The following SLC8A1 variants were observed in gnomAD, a reference collection of about 807,000 sequenced individuals.
SLC8A1 encodes the protein solute carrier family 8 member A1, also known as sodium/calcium exchanger 1.
In SLC8A1, 18 loss-of-function variants were observed where a neutral mutation model predicts 68.3. The ratio of observed to expected loss-of-function variants is 0.26; its 90% CI spans 0.18 to 0.39. The LOEUF is 0.39. SLC8A1 is among the 10% of genes least tolerant of loss of function. The pLI, the probability that SLC8A1 is intolerant of heterozygous loss-of-function variation, is 1.00. For synonymous variants in SLC8A1, 475 were observed against 415.5 expected, an observed-to-expected ratio of 1.14 and a Z score of -1.74; for missense variants, 985 against 1,156.7, an observed-to-expected ratio of 0.85 and a Z score of 2.15.
intron 2 of SLC8A1, among the ~76,000 whole-genome samples, chr2:40,421,929 C>A (rs1695616442): frequency 6.6e-6 from 1 of 152,128 alleles, no homozygotes. Flanking sequence ...GAGGAGATTT[C>A]CTCTAATGCT....
upstream of SLC8A1, among the ~76,000 whole-genome samples, chr2:40,455,746 C>G (rs916088213): frequency 6.6e-6 from 1 of 152,168 alleles, no homozygotes; most frequent in Admixed American, 6.5e-5. Context: ...TGCTGTTGTT[C>G]CTCTTCCCTG....
At chr2:40,350,537 G>C (rs548995778) in intron 2 of SLC8A1, among the ~76,000 whole-genome samples, 1 of 115,978 alleles carries the variant, frequency 8.6e-6, no homozygotes, top group South Asian at 2.9e-4. Context: ...AATTTTTTGT[G>C]CATTTAAAAT....
chr2:40,238,460 G>A (rs1046486592), intron 2 of SLC8A1, among the ~76,000 whole-genome samples: 4 of 151,648 alleles, frequency 2.6e-5, no homozygotes, highest in Admixed American at 6.6e-5. Flanking sequence ...GCCCTGCTTC[G>A]GCTCGCACAC....
intron 2 of SLC8A1, among the ~76,000 whole-genome samples, chr2:40,402,092 G>A (rs1408896925): frequency 6.6e-6 from 1 of 152,158 alleles, no homozygotes; most frequent in Non-Finnish European, 1.5e-5. Context: ...ACGCGATACA[G>A]GTCAAAGGCC....
chr2:40,406,616 G>A (rs1322081336), intron 2 of SLC8A1, among the ~76,000 whole-genome samples: 6 of 152,102 alleles, frequency 3.9e-5, no homozygotes, highest in African/African-American at 1.4e-4. Flanking sequence ...ATCTTCCCAG[G>A]TGGACTGATA....
At chr2:40,113,517 A>AT (rs2034837354) in exon 8 of SLC8A1, 2 of 121,030 alleles carry the variant, frequency 1.7e-5, no homozygotes, top group African/African-American at 6.8e-5. Flanking sequence ...CTCTTTCAGC[A>AT]TAAGTAGAGG....
intron 7 of SLC8A1, among the ~76,000 whole-genome samples, chr2:40,131,849 T>C (rs986814919): frequency 5.8e-5 from 8 of 138,246 alleles, no homozygotes; most frequent in African/African-American, 2.1e-4. Flanking sequence ...AGGATTATCT[T>C]GGTATTCTAT....
chr2:40,327,782 C>A (rs190017097), intron 2 of SLC8A1, among the ~76,000 whole-genome samples: 34 of 152,150 alleles, frequency 2.2e-4, no homozygotes, highest in Non-Finnish European at 4.0e-4. Flanking sequence ...AAGGGCTGAA[C>A]AACTACCTAT....
chr2:40,243,727 G>C (rs529931528), intron 2 of SLC8A1, among the ~76,000 whole-genome samples: 73 of 152,138 alleles, frequency 4.8e-4, no homozygotes, highest in Non-Finnish European at 7.9e-4. Flanking sequence ...ATTGGTCCGT[G>C]CACTTGAAAA....
At chr2:40,435,743 C>CTTTAT in intron 1 of SLC8A1, among the ~76,000 whole-genome samples, 1 of 152,074 alleles carries the variant, frequency 6.6e-6, no homozygotes, top group South Asian at 2.1e-4. Context: ...GGCCCTTTCC[C>CTTTAT]CTACTTTATT....
intron 1 of SLC8A1, among the ~76,000 whole-genome samples, chr2:40,511,493 C>T (rs1706723021): frequency 6.6e-6 from 1 of 152,122 alleles, no homozygotes; most frequent in South Asian, 2.1e-4. Flanking sequence ...TATCTGTATT[C>T]TAGAAAATAC....
intron 1 of SLC8A1, among the ~76,000 whole-genome samples, chr2:40,467,728 A>G (rs1703775997): frequency 6.6e-6 from 1 of 152,148 alleles, no homozygotes; most frequent in Non-Finnish European, 1.5e-5. Context: ...CTCTTTTCCC[A>G]AAGAAAACAA....
chr2:40,282,726 G>T (rs1358938786), intron 2 of SLC8A1, among the ~76,000 whole-genome samples: 2 of 152,102 alleles, frequency 1.3e-5, no homozygotes, highest in African/African-American at 2.4e-5. Flanking sequence ...TTTAAAGAGT[G>T]TCATCATTTT....
At chr2:40,493,325 T>C (rs1338764054) in intron 1 of SLC8A1, among the ~76,000 whole-genome samples, 1 of 109,714 alleles carries the variant, frequency 9.1e-6, no homozygotes, top group East Asian at 3.4e-4. Flanking sequence ...AAGGGGAACA[T>C]CACTCTCTGG....
chr2:40,241,046 C>G (rs1329338362), intron 2 of SLC8A1, among the ~76,000 whole-genome samples: 1 of 152,170 alleles, frequency 6.6e-6, no homozygotes, highest in Non-Finnish European at 1.5e-5. Context: ...GGCACATGGA[C>G]TTGCACGTTC....
intron 2 of SLC8A1, among the ~76,000 whole-genome samples, chr2:40,382,327 G>C (rs528746279): frequency 7.9e-5 from 12 of 152,086 alleles, no homozygotes; most frequent in Admixed American, 7.9e-4. Context: ...AGCACAGTGA[G>C]TACATACACC....
intron 2 of SLC8A1, among the ~76,000 whole-genome samples, chr2:40,253,531 A>T (rs1426919172): frequency 6.6e-6 from 1 of 152,112 alleles, no homozygotes; most frequent in East Asian, 1.9e-4. Context: ...ATGGTACTTA[A>T]AAGAGGCTAA....
chr2:40,500,723 C>T (rs1265603929), intron 1 of SLC8A1, among the ~76,000 whole-genome samples: 1 of 144,748 alleles, frequency 6.9e-6, no homozygotes, highest in African/African-American at 2.6e-5. Flanking sequence ...CTCTTTCTCT[C>T]TGAAAAATAT....
In SLC8A1 at chr2:40,504,976, A is replaced by T. The variant is rs566110415; in HGVS notation, c.-25+7373T>A. ...CTGGTTATATACCCTGCAAAAAAGG[A>T]TATCAATATATGGAAGTGATATCTG... is the stretch of plus-strand genomic sequence containing the variant. On this transcript the variant is annotated intron_variant, in intron 1 of 7. Coordinates refer to the SLC8A1 transcript ENST00000402441. Among the ~76,000 whole-genome samples, 10 of 152,132 alleles carry T rather than the reference A, an allele frequency of 6.6e-5. No homozygotes were observed. The South Asian group carries it at 2.1e-3, about 32-fold the overall frequency.
Sources: allele counts gnomAD v4.1 joint callset (sites outside exome capture counted in the v4.1 genomes callset), GRCh38; gene constraint gnomAD v4.1.1; transcripts MANE v1.5; gene names NCBI Gene and HGNC (gene_info 2026-07-23, HGNC 2026-07-21).